The following SPAG16 variants were observed in gnomAD, a reference collection of about 807,000 sequenced individuals.
SPAG16 encodes sperm-associated antigen 16 protein.
In SPAG16, 86 loss-of-function variants were observed where a neutral mutation model predicts 80.4. That is an observed-to-expected ratio of 1.07 (90% CI 0.90 to 1.28). SPAG16 has a LOEUF of 1.28. Among genes scored for constraint, SPAG16 ranks in the 50% most tolerant of loss-of-function variants. The probability of loss-of-function intolerance (pLI) is 0.00; values close to 1 mark genes in which losing one functional copy is unlikely to be tolerated. For missense variants in SPAG16, 870 were observed against 765.3 expected, an observed-to-expected ratio of 1.14 and a Z score of -1.61; for synonymous variants, 294 against 265.9, an observed-to-expected ratio of 1.11 and a Z score of -1.03.
At chr2:213,441,822 C>G (rs2125532543) in intron 9 of SPAG16, among the ~76,000 whole-genome samples, 1 of 152,088 alleles carries the variant, frequency 6.6e-6, no homozygotes, top group East Asian at 1.9e-4. Context: ...AACCACTTTC[C>G]TATATTCCAG....
chr2:213,566,303 A>G (rs2059762133), intron 10 of SPAG16, among the ~76,000 whole-genome samples: 1 of 152,156 alleles, frequency 6.6e-6, no homozygotes, highest in Admixed American at 6.5e-5. Context: ...GAAGTATTTA[A>G]AACGTTATAT....
At chr2:213,363,499 A>C (rs777563810) in intron 7 of SPAG16, among the ~76,000 whole-genome samples, 8 of 152,164 alleles carry the variant, frequency 5.3e-5, no homozygotes, top group Non-Finnish European at 1.0e-4. Flanking sequence ...ATACAATGCA[A>C]GATGAAATAG....
chr2:214,236,568 C>A (rs971738859), intron 15 of SPAG16, among the ~76,000 whole-genome samples: 1 of 151,874 alleles, frequency 6.6e-6, no homozygotes, highest in Non-Finnish European at 1.5e-5. Flanking sequence ...GTGAGAATAG[C>A]TTGAACCCAG....
At chr2:213,950,666 CTCCCTCCT>C (rs2079709869) in intron 12 of SPAG16, among the ~76,000 whole-genome samples, 1 of 149,278 alleles carries the variant, frequency 6.7e-6, no homozygotes, top group South Asian at 2.2e-4. Flanking sequence ...CCCTCCCTCC[CTCCCTCCT>C]TCCTTCTCTC....
intron 12 of SPAG16, among the ~76,000 whole-genome samples, chr2:214,011,662 T>C (rs781316605): frequency 1.1e-4 from 17 of 152,196 alleles, no homozygotes; most frequent in Non-Finnish European, 1.6e-4. Context: ...TCATCAACTT[T>C]AGTGATTAAA....
intron 13 of SPAG16, among the ~76,000 whole-genome samples, chr2:214,024,448 G>A (rs2048034641): frequency 6.6e-6 from 1 of 151,540 alleles, no homozygotes; most frequent in African/African-American, 2.4e-5. Context: ...AATAATATCT[G>A]TAGTGAACAC....
chr2:214,206,223 T>C (rs1245037026), intron 15 of SPAG16, among the ~76,000 whole-genome samples: 1 of 151,800 alleles, frequency 6.6e-6, no homozygotes, highest in Non-Finnish European at 1.5e-5. Flanking sequence ...ACAACTAATT[T>C]CTCCCCTCTA....
intron 15 of SPAG16, among the ~76,000 whole-genome samples, chr2:214,178,428 A>G (rs1422329965): frequency 6.6e-6 from 1 of 151,272 alleles, no homozygotes; most frequent in Non-Finnish European, 1.5e-5. Flanking sequence ...AAAAAATACT[A>G]TGGTACTGGT....
intron 12 of SPAG16, among the ~76,000 whole-genome samples, chr2:214,012,452 C>T (rs1411515370): frequency 4.0e-5 from 6 of 151,086 alleles, no homozygotes; most frequent in East Asian, 2.0e-4. Flanking sequence ...TATGCCGCCA[C>T]GTCAGGCTAA....
chr2:213,488,228 A>AT (rs1002155438), intron 9 of SPAG16, among the ~76,000 whole-genome samples: 1 of 152,102 alleles, frequency 6.6e-6, no homozygotes, highest in African/African-American at 2.4e-5. Context: ...GAAAGAATGG[A>AT]TTTTTTTAAG....
intron 10 of SPAG16, among the ~76,000 whole-genome samples, chr2:213,642,066 C>A (rs1213207826): frequency 6.6e-6 from 1 of 152,150 alleles, no homozygotes; most frequent in Admixed American, 6.5e-5. Context: ...TTGAGGATTA[C>A]AATTCAAGAT....
chr2:214,393,842 T>C (rs1327465516), intron 15 of SPAG16, among the ~76,000 whole-genome samples: 3 of 152,182 alleles, frequency 2.0e-5, no homozygotes, highest in Non-Finnish European at 2.9e-5. Context: ...AGGGTGAATA[T>C]TGTGCTATTT....
chr2:213,431,796 A>G (rs2070317496), intron 9 of SPAG16, among the ~76,000 whole-genome samples: 1 of 152,072 alleles, frequency 6.6e-6, no homozygotes, highest in Non-Finnish European at 1.5e-5. Context: ...CTCAAAATAT[A>G]CATTTTTCTC....
chr2:213,298,134 C>G (rs1486266537), intron 3 of SPAG16, among the ~76,000 whole-genome samples: 1 of 152,130 alleles, frequency 6.6e-6, no homozygotes, highest in African/African-American at 2.4e-5. Flanking sequence ...AGTCCAATAA[C>G]TCCTTTTCAA....
chr2:213,381,287 T>TA (rs1206133828), intron 9 of SPAG16, among the ~76,000 whole-genome samples: 30 of 152,188 alleles, frequency 2.0e-4, no homozygotes, highest in African/African-American at 7.2e-4. Flanking sequence ...GAGGAAGACT[T>TA]ACAATCAGAT....
At chr2:213,505,258 A>AGT (rs2074921284) in intron 10 of SPAG16, among the ~76,000 whole-genome samples, 1 of 152,196 alleles carries the variant, frequency 6.6e-6, no homozygotes, top group Non-Finnish European at 1.5e-5. Context: ...GTACAATGTC[A>AGT]AAACTACTAG....
intron 10 of SPAG16, among the ~76,000 whole-genome samples, chr2:213,703,447 GAAAC>G (rs2065591943): frequency 6.6e-6 from 1 of 152,282 alleles, no homozygotes; most frequent in East Asian, 1.9e-4. Context: ...AGAAAACTGT[GAAAC>G]AAACCCAGGG....
intron 12 of SPAG16, among the ~76,000 whole-genome samples, chr2:213,978,869 A>G (rs1415878045): frequency 1.3e-5 from 2 of 152,058 alleles, no homozygotes; most frequent in Non-Finnish European, 2.9e-5. Context: ...AATAGTCACA[A>G]TGGGGGTTAG....
chr2:213,802,409 C>T (rs946117081), intron 10 of SPAG16, among the ~76,000 whole-genome samples: 1 of 98,554 alleles, frequency 1.0e-5, no homozygotes, highest in South Asian at 4.2e-4. Context: ...ATCTATCTAT[C>T]TATCTATCTA....
Sources: gnomAD v4.1 joint callset for allele counts (sites outside exome capture counted in the v4.1 genomes callset) on GRCh38, gnomAD v4.1.1 for gene constraint, MANE v1.5 for transcripts, NCBI Gene and HGNC (gene_info 2026-07-23, HGNC 2026-07-21) for gene names.